FREM1: variants seen among roughly 807,000 people sequenced by gnomAD.
The protein encoded by FREM1 is FRAS1 related extracellular matrix 1.
In FREM1, 220 loss-of-function variants were observed where a neutral mutation model predicts 210.1. That is an observed-to-expected ratio of 1.05 (90% CI 0.94 to 1.17). FREM1 has a LOEUF of 1.17. Among genes scored for constraint, FREM1 ranks in the 50% most tolerant of loss-of-function variants. The pLI is 0.00. For missense variants in FREM1, 3,454 were observed against 2,675.5 expected (o/e 1.29, Z -6.42); for synonymous variants, 1,189 against 980.2 (o/e 1.21, Z -3.98).
intron 1 of FREM1, among the ~76,000 whole-genome samples, chr9:14,888,255 G>A: frequency 6.6e-6 from 1 of 152,170 alleles, no homozygotes; most frequent in South Asian, 2.1e-4. Context: ...CTTGCCCAAT[G>A]TCATCAGCTT....
At chr9:14,825,879 T>C (rs1288520131) in intron 10 of FREM1, among the ~76,000 whole-genome samples, 2 of 152,042 alleles carry the variant, frequency 1.3e-5, no homozygotes, top group Admixed American at 6.5e-5. Flanking sequence ...CATAATTTCA[T>C]CCTTACATTA....
At chr9:14,785,082 G>C (rs1339661731) in intron 23 of FREM1, among the ~76,000 whole-genome samples, 1 of 152,190 alleles carries the variant, frequency 6.6e-6, no homozygotes, top group Non-Finnish European at 1.5e-5. Flanking sequence ...TTCCACCCCA[G>C]CTATGTACTT....
At chr9:14,906,035 T>C (rs1345067918) in intron 1 of FREM1, among the ~76,000 whole-genome samples, 1 of 152,254 alleles carries the variant, frequency 6.6e-6, no homozygotes, top group Non-Finnish European at 1.5e-5. Context: ...TTCTCTTTTC[T>C]TTTCATCTAT....
At chr9:14,759,083 A>T (rs1054398974) in intron 28 of FREM1, among the ~76,000 whole-genome samples, 4 of 152,238 alleles carry the variant, frequency 2.6e-5, no homozygotes, top group Non-Finnish European at 4.4e-5. Flanking sequence ...TCTTGCATAC[A>T]ACATCTCTTT....
intron 24 of FREM1, among the ~76,000 whole-genome samples, chr9:14,783,113 A>G (rs1182931051): frequency 6.6e-6 from 1 of 152,254 alleles, no homozygotes; most frequent in Non-Finnish European, 1.5e-5. Flanking sequence ...TATCAAGAGA[A>G]AAAAATAAGA....
intron 35 of FREM1, among the ~76,000 whole-genome samples, chr9:14,743,197 G>A (rs935593504): frequency 4.6e-5 from 7 of 152,098 alleles, no homozygotes; most frequent in South Asian, 2.1e-4. Context: ...TTAAGTGCAT[G>A]AGAAAGTATC....
chr9:14,738,513 A>C (rs1840821652), intron 36 of FREM1, among the ~76,000 whole-genome samples: 1 of 152,154 alleles, frequency 6.6e-6, no homozygotes, highest in South Asian at 2.1e-4. Context: ...GTCATTATGG[A>C]TGTAGAGAAA....
At chr9:14,882,980 T>C (rs1235583618) in intron 1 of FREM1, among the ~76,000 whole-genome samples, 2 of 147,904 alleles carry the variant, frequency 1.4e-5, no homozygotes, top group African/African-American at 5.0e-5. Flanking sequence ...ATAATCTATG[T>C]GGAAATATTT....
At chr9:14,901,813 G>A (rs951738074) in intron 1 of FREM1, among the ~76,000 whole-genome samples, 1 of 152,080 alleles carries the variant, frequency 6.6e-6, no homozygotes, top group Middle Eastern at 3.2e-3. Context: ...TTACAGTGGG[G>A]ATTCATAATA....
rs1465600227 is a variant in FREM1, at chr9:14,800,941, T to C, written c.3694+711A>G. Reference sequence around the variant, plus strand: ...AAACATTGTATATATTTATGATATATAATGGGGTGTTTTGATGCATGTATA... The same window carrying C: ...AAACATTGTATATATTTATGATATACAATGGGGTGTTTTGATGCATGTATA... On this transcript the variant is annotated intron_variant, in intron 20 of 36. Coordinates refer to ENST00000380880, the MANE Select transcript of FREM1 (RefSeq NM_001379081.2). Among the ~76,000 whole-genome samples the C allele has an allele frequency of 2.0e-5, 3 of 152,218 alleles. No homozygotes were observed. In the East Asian group the frequency reaches 5.8e-4, roughly 29 times the overall value.
At chr9:14,746,278 G>T in intron 35 of FREM1, 75 bp downstream of exon 35, 1 of 1,083,556 alleles carries the variant, frequency 9.2e-7, no homozygotes, top group Non-Finnish European at 1.4e-6. Flanking sequence ...GAATGAAGCA[G>T]CTCTCCGCTT....
chr9:14,875,947 C>T (rs1169120813), intron 1 of FREM1, among the ~76,000 whole-genome samples: 1 of 152,224 alleles, frequency 6.6e-6, no homozygotes, highest in African/African-American at 2.4e-5. Flanking sequence ...CCACTCTAGA[C>T]CCTGTTTGCC....
At chr9:14,877,484 C>G (rs556987141) in intron 1 of FREM1, among the ~76,000 whole-genome samples, 75 of 144,478 alleles carry the variant, frequency 5.2e-4, no homozygotes, top group South Asian at 1.3e-3. Context: ...CCAAATAATT[C>G]CAGTCTCCTA....
At chr9:14,834,165 G>T (rs938995115) in intron 10 of FREM1, among the ~76,000 whole-genome samples, 2 of 152,156 alleles carry the variant, frequency 1.3e-5, no homozygotes, top group African/African-American at 4.8e-5. Flanking sequence ...AATCAGAGAA[G>T]CACGCTCTTA....
intron 35 of FREM1, among the ~76,000 whole-genome samples, chr9:14,741,321 T>C (rs1050527138): frequency 7.9e-5 from 12 of 152,234 alleles, no homozygotes; most frequent in Non-Finnish European, 1.3e-4. Flanking sequence ...AGACTAGATA[T>C]GGTGAACATA....
chr9:14,859,112 G>A, intron 4 of FREM1, 71 bp downstream of exon 4: 1 of 1,249,756 alleles, frequency 8.0e-7, no homozygotes, highest in East Asian at 2.4e-5. Context: ...TCATCATGGT[G>A]GAAGGTGAGC....
intron 1 of FREM1, among the ~76,000 whole-genome samples, chr9:14,877,477 A>G (rs751606771): frequency 1.5e-5 from 2 of 137,442 alleles, no homozygotes; most frequent in Non-Finnish European, 3.3e-5. Context: ...TGACCCCCCA[A>G]ATAATTCCAG....
chr9:14,763,069 C>T (rs1845791153), intron 27 of FREM1, among the ~76,000 whole-genome samples: 1 of 152,198 alleles, frequency 6.6e-6, no homozygotes, highest in African/African-American at 2.4e-5. Context: ...GCTCATTTTA[C>T]AGTCAGAACT....
At chr9:14,889,781 AAAG>A (rs1836467798) in intron 1 of FREM1, among the ~76,000 whole-genome samples, 1 of 152,196 alleles carries the variant, frequency 6.6e-6, no homozygotes, top group South Asian at 2.1e-4. Context: ...ATTAGACTGA[AAAG>A]AGACAAATTA....
Sources: allele counts gnomAD v4.1 joint callset (sites outside exome capture counted in the v4.1 genomes callset), GRCh38; gene constraint gnomAD v4.1.1; transcripts MANE v1.5; gene names NCBI Gene and HGNC (gene_info 2026-07-23, HGNC 2026-07-21).